Variants in ABI2 observed in about 807,000 individuals in gnomAD.
ABI2 encodes the protein abl interactor 2.
In ABI2, 25 loss-of-function variants were observed where a neutral mutation model predicts 59.2. The observed-to-expected ratio is 0.42, with a 90% confidence interval of 0.31 to 0.59. The LOEUF is 0.59. Among genes scored for constraint, ABI2 ranks in the 20% least tolerant of loss-of-function variants. ABI2 has a pLI of 0.14. For synonymous variants in ABI2, 213 were observed against 235.5 expected (o/e 0.90, Z 0.87); for missense variants, 545 against 681.8 (o/e 0.80, Z 2.23).
At chr2:203,398,023 T>G (rs1219308155) in intron 8 of ABI2, among the ~76,000 whole-genome samples, 1 of 152,230 alleles carries the variant, frequency 6.6e-6, no homozygotes, top group African/African-American at 2.4e-5. Flanking sequence ...ATTCAAAGCA[T>G]ATCAATCACC....
intron 3 of ABI2, 75 bp from the exon 4 acceptor site, chr2:203,382,114 A>C (rs1358310952): frequency 7.9e-7 from 1 of 1,273,340 alleles, no homozygotes; most frequent in East Asian, 2.6e-5. Context: ...CTTTCTCTTC[A>C]CATCCTGAAG....
intron 1 of ABI2, among the ~76,000 whole-genome samples, chr2:203,341,348 C>T (rs1357707240): frequency 2.6e-5 from 4 of 152,124 alleles, no homozygotes; most frequent in Admixed American, 6.5e-5. Context: ...ATAGGCACTC[C>T]GTAAATATTC....
intron 2 of ABI2, among the ~76,000 whole-genome samples, chr2:203,379,638 G>A (rs1451231111): frequency 6.6e-6 from 1 of 152,148 alleles, no homozygotes; most frequent in Non-Finnish European, 1.5e-5. Flanking sequence ...AATGTAACTA[G>A]ATTAATTTCG....
At chr2:203,358,093 GTGTGTGTGTGTGTGTGTGTGTTTGTT>G (rs1249791041) in intron 1 of ABI2, among the ~76,000 whole-genome samples, 1 of 144,788 alleles carries the variant, frequency 6.9e-6, no homozygotes, top group Non-Finnish European at 1.5e-5. Flanking sequence ...GTGTGTGTGT[GTGTGTGTGTGTGTGTGTGTGTTTGTT>G]TGTTTGTTTG....
In ABI2 at chr2:203,328,472, C is replaced by A. The variant is rs934894603; in HGVS notation, c.-43C>A. The A allele has an allele frequency of 2.0e-6, 3 of 1,494,698 alleles. No homozygotes were observed. In the African/African-American group the frequency reaches 4.3e-5, roughly 21 times the overall value. 92.6% of individuals were successfully genotyped at this position (1,494,698 alleles called of 1,614,324 possible). A position where few individuals can be genotyped will look rare whatever the true frequency, so the allele number is the denominator to read the frequency against. On this transcript the variant is annotated 5_prime_UTR_variant, in exon 1 of 12. Coordinates refer to ENST00000261018, the MANE Select transcript of ABI2 (RefSeq NM_001375670.1). ...TTCCTTGGCGCTGCGGCCGCCGCTC[C>A]CTCTGCGACCTGTATGAGGAGGAGG...
intron 1 of ABI2, among the ~76,000 whole-genome samples, chr2:203,332,070 A>G (rs2073993169): frequency 6.6e-6 from 1 of 151,464 alleles, no homozygotes; most frequent in African/African-American, 2.4e-5. Flanking sequence ...TCGGCCTCCC[A>G]AAGTGCTAGG....
intron 1 of ABI2, among the ~76,000 whole-genome samples, chr2:203,343,235 G>T (rs570278859): frequency 6.6e-6 from 1 of 152,120 alleles, no homozygotes; most frequent in Admixed American, 6.5e-5. Flanking sequence ...GTGGTGGCAC[G>T]CATCTGTAGT....
intron 2 of ABI2, among the ~76,000 whole-genome samples, chr2:203,377,416 A>G (rs1173423689): frequency 2.0e-5 from 3 of 150,076 alleles, no homozygotes; most frequent in Non-Finnish European, 4.4e-5. Flanking sequence ...TCATTTCTGA[A>G]TAAGTTAAGT....
chr2:203,369,894 A>G (rs891740404), intron 2 of ABI2, among the ~76,000 whole-genome samples: 5 of 111,124 alleles, frequency 4.5e-5, no homozygotes, highest in African/African-American at 1.8e-4. Flanking sequence ...ATTTTCTAGC[A>G]TTTGCCTCAA....
At chr2:203,384,090 CTG>C (rs2096301845) in intron 4 of ABI2, among the ~76,000 whole-genome samples, 2 of 152,150 alleles carry the variant, frequency 1.3e-5, no homozygotes, top group African/African-American at 2.4e-5. Flanking sequence ...TTTGGATTAA[CTG>C]TTTTTCTTCA....
In ABI2 at chr2:203,395,798, C is replaced by T. The variant is rs2096957722; in HGVS notation, c.850+18C>T. The T allele has an allele frequency of 6.4e-7, 1 of 1,564,698 alleles. No individual in the cohort carries two copies. Among genetic ancestry groups the T allele is most frequent in the East Asian group, 2.4e-5 (1 of 42,514 alleles). On this transcript the variant is annotated intron_variant, in intron 7 of 11. Coordinates refer to ENST00000261018, the MANE Select transcript of ABI2 (RefSeq NM_001375670.1). ...CTTTCCAGGTAAAACATTCATGGTG[C>T]CTCGTCTTCACTTTTCCTTTCTGAA...
intron 9 of ABI2, among the ~76,000 whole-genome samples, chr2:203,404,675 C>A (rs192597116): frequency 1.5e-3 from 230 of 152,300 alleles, no homozygotes; most frequent in African/African-American, 5.3e-3. Context: ...TCTCCTGCCT[C>A]AGCCTCCCAA....
At position 203,352,841 on chromosome 2, in the gene ABI2, C is replaced by T. The variant is rs966238547; in HGVS notation, c.118-14036C>T. ...GTAAGCTGCGTTGATGGTAAGTGCC[C>T]TATGCAGGTATACCATTTTTTATCT... On this transcript the variant is annotated intron_variant, in intron 1 of 11. Transcript: ENST00000261018. 6.6e-5 allele frequency among the ~76,000 whole-genome samples: 10 copies of T among 152,168 alleles called. 1 individual carries two copies. Among genetic ancestry groups the T allele is most frequent in the African/African-American group, 1.7e-4 (7 of 41,454 alleles).
chr2:203,405,956 G>A (rs1354941020), intron 9 of ABI2, among the ~76,000 whole-genome samples: 2 of 152,098 alleles, frequency 1.3e-5, no homozygotes, highest in African/African-American at 2.4e-5. Context: ...CACAATAATT[G>A]TTTTTTTCAT....
intron 9 of ABI2, among the ~76,000 whole-genome samples, chr2:203,410,740 T>G (rs999597289): frequency 6.6e-6 from 1 of 152,198 alleles, no homozygotes; most frequent in Non-Finnish European, 1.5e-5. Flanking sequence ...TTTGTCTAAT[T>G]AATGAATGAA....
intron 10 of ABI2, among the ~76,000 whole-genome samples, chr2:203,415,616 CAAAAA>C (rs71007515): frequency 2.4e-5 from 1 of 42,342 alleles, no homozygotes. Flanking sequence ...GACTCCGTCT[CAAAAA>C]AAAAAAAAAA....
chr2:203,384,331 G>A (rs1228451443), intron 4 of ABI2, among the ~76,000 whole-genome samples: 1 of 114,108 alleles, frequency 8.8e-6, no homozygotes, highest in African/African-American at 4.6e-5. Flanking sequence ...TTTTGAGACA[G>A]GGTCTCACTC....
chr2:203,395,875 T>A, intron 7 of ABI2, 95 bp downstream of exon 7: 1 of 1,360,306 alleles, frequency 7.4e-7, no homozygotes, highest in Non-Finnish European at 9.8e-7. Context: ...TAATCAGGAT[T>A]TTTTTTCTTT....
intron 2 of ABI2, among the ~76,000 whole-genome samples, chr2:203,374,660 CTG>C (rs2095560403): frequency 6.6e-6 from 1 of 151,770 alleles, no homozygotes; most frequent in South Asian, 2.1e-4. Context: ...GAAAATTACT[CTG>C]TTAGTAACTA....
Sources: gnomAD v4.1 joint callset for allele counts (sites outside exome capture counted in the v4.1 genomes callset) on GRCh38, gnomAD v4.1.1 for gene constraint, MANE v1.5 for transcripts, NCBI Gene and HGNC (gene_info 2026-07-23, HGNC 2026-07-21) for gene names.